PPP1R9A: variants seen among roughly 807,000 people sequenced by gnomAD.
PPP1R9A encodes neurabin-1.
Under a neutral mutation model 141.9 loss-of-function variants are expected in PPP1R9A, and 59 were observed. The observed-to-expected ratio is 0.42, with a 90% CI of 0.34 to 0.52. The LOEUF (loss-of-function observed/expected upper bound fraction) is 0.52, where lower values mean the gene tolerates loss of function less well. Ranked by LOEUF, PPP1R9A falls within the 20% of genes least tolerant of loss-of-function variation. The pLI, the probability that PPP1R9A is intolerant of heterozygous loss-of-function variation, is 0.10. For missense variants in PPP1R9A, 1,444 were observed against 1,611.9 expected (o/e 0.90, Z 1.78); for synonymous variants, 500 against 569.7 (o/e 0.88, Z 1.74).
intron 2 of PPP1R9A, among the ~76,000 whole-genome samples, chr7:94,975,673 A>G (rs1406038491): frequency 6.6e-6 from 1 of 152,008 alleles, no homozygotes; most frequent in African/African-American, 2.4e-5. Context: ...TTTTCACCCA[A>G]ATGTACTTTA....
At chr7:94,998,127 T>G (rs1458135475) in intron 2 of PPP1R9A, among the ~76,000 whole-genome samples, 3 of 152,200 alleles carry the variant, frequency 2.0e-5, no homozygotes, top group African/African-American at 7.2e-5. Context: ...AACCTGAGGT[T>G]GTTTATTTTT....
intron 2 of PPP1R9A, among the ~76,000 whole-genome samples, chr7:94,962,054 C>A (rs920613832): frequency 1.3e-5 from 2 of 151,856 alleles, no homozygotes; most frequent in Non-Finnish European, 2.9e-5. Flanking sequence ...ATCAACTAAT[C>A]CCCTAGTCTT....
chr7:95,283,593 G>T (rs1585630982), intron 16 of PPP1R9A, among the ~76,000 whole-genome samples: 2 of 152,146 alleles, frequency 1.3e-5, no homozygotes, highest in East Asian at 3.9e-4. Flanking sequence ...TTAAGTCTCA[G>T]ACCCTTCGGA....
intron 5 of PPP1R9A, among the ~76,000 whole-genome samples, chr7:95,172,329 AT>A (rs1283096724): frequency 7.2e-5 from 11 of 151,740 alleles, no homozygotes; most frequent in Admixed American, 2.0e-4. Flanking sequence ...CACAGGCAAT[AT>A]GGTCATTTAT....
In PPP1R9A at chr7:95,045,522, GC is replaced by G. The variant is rs935054861; in HGVS notation, c.1396-65733del. Among the ~76,000 whole-genome samples the G allele has an allele frequency of 1.2e-4, 19 of 152,336 alleles. 1 individual carries two copies. The highest frequency in any genetic ancestry group is 3.6e-4 in the African/African-American group (15 of 41,576). ...GCTTTCTTCCCTTTTTCAGTGGAAT[GC>G]CCCTGGAAGGTCATACTCTGCCATT... On this transcript the variant is annotated intron_variant, in intron 2 of 19. Coordinates refer to ENST00000433360, the MANE Select transcript of PPP1R9A (RefSeq NM_001166160.2).
In PPP1R9A at chr7:95,291,996, G is replaced by A. The variant is rs551049600; in HGVS notation, c.*1693G>A. The A allele has an allele frequency of 1.3e-5, 2 of 151,980 alleles. No homozygotes were observed. The highest frequency in any genetic ancestry group is 2.9e-5 in the Non-Finnish European group (2 of 67,994). The allele number at this position is 151,980 out of a possible 1,614,324, so 9.4% of individuals were successfully genotyped here. A position where few individuals can be genotyped will look rare whatever the true frequency, so the allele number is the denominator to read the frequency against. ...TTTTTAATTCTGTTTTACCCCCAAG[G>A]CCTGTTTTCTTTTCATTGCCAGAGT... On this transcript the variant is annotated 3_prime_UTR_variant, in exon 20 of 20. Transcript: ENST00000433360.
intron 2 of PPP1R9A, among the ~76,000 whole-genome samples, chr7:95,099,132 G>A (rs1818424162): frequency 6.6e-6 from 1 of 152,168 alleles, no homozygotes; most frequent in African/African-American, 2.4e-5. Context: ...AAAAGAAGCA[G>A]GAAGGACCAA....
intron 12 of PPP1R9A, among the ~76,000 whole-genome samples, chr7:95,259,584 A>G (rs921629066): frequency 3.9e-5 from 6 of 152,110 alleles, no homozygotes; most frequent in Non-Finnish European, 5.9e-5. Context: ...CTCTTTTCAG[A>G]TACCTGTGGG....
intron 2 of PPP1R9A, chr7:95,098,491 C>T (rs1443447976): frequency 6.6e-6 from 1 of 151,954 alleles, no homozygotes; most frequent in Admixed American, 6.6e-5. Context: ...GTTTGCCCAC[C>T]ACTTTATATC....
Position 95,137,415 on chromosome 7 carries a change from C to CAAAAAAAAAAAAAA in PPP1R9A, c.1649+16593_1649+16606dup, listed in dbSNP as rs33928009. Among the ~76,000 whole-genome samples, 80 of 91,484 alleles carry CAAAAAAAAAAAAAA rather than the reference C, an allele frequency of 8.7e-4. 1 individual carries two copies. Among genetic ancestry groups the CAAAAAAAAAAAAAA allele is most frequent in the African/African-American group, 3.3e-3 (76 of 23,054 alleles). The allele number at this position is 91,484 out of a possible 152,430, so 60.0% of individuals were successfully genotyped here. ...CATGTCCCTACAAAGGACATGAACT[C>CAAAAAAAAAAAAAA]AAAAAAAAAAAAAAAAAAAAAAAGA... On this transcript the variant is annotated intron_variant, in intron 4 of 19. Coordinates refer to ENST00000433360, the MANE Select transcript of PPP1R9A (RefSeq NM_001166160.2).
intron 2 of PPP1R9A, among the ~76,000 whole-genome samples, chr7:94,924,274 A>G (rs558757152): frequency 2.6e-5 from 4 of 152,182 alleles, no homozygotes; most frequent in African/African-American, 4.8e-5. Flanking sequence ...CATGTACCCA[A>G]TCAAGTTTGA....
At chr7:94,970,286 A>C (rs1798715212) in intron 2 of PPP1R9A, among the ~76,000 whole-genome samples, 1 of 152,190 alleles carries the variant, frequency 6.6e-6, no homozygotes, top group African/African-American at 2.4e-5. Context: ...ATAGGCACCA[A>C]AGGGAAACTC....
chr7:95,106,083 C>T (rs1245317190), intron 2 of PPP1R9A, among the ~76,000 whole-genome samples: 1 of 151,968 alleles, frequency 6.6e-6, no homozygotes, highest in Non-Finnish European at 1.5e-5. Context: ...GGTGAGACCC[C>T]AATCTCTATT....
intron 4 of PPP1R9A, among the ~76,000 whole-genome samples, chr7:95,146,674 T>C (rs2152617681): frequency 6.6e-6 from 1 of 152,338 alleles, no homozygotes; most frequent in South Asian, 2.1e-4. Flanking sequence ...AATTTTTGTA[T>C]AAGGTGTAAG....
chr7:95,044,268 G>A (rs1419060863), intron 2 of PPP1R9A, among the ~76,000 whole-genome samples: 9 of 152,102 alleles, frequency 5.9e-5, no homozygotes, highest in Non-Finnish European at 1.2e-4. Context: ...GCCACCTGAA[G>A]GGACTTCCCT....
chr7:94,963,895 T>C (rs551411971), intron 2 of PPP1R9A, among the ~76,000 whole-genome samples: 2 of 152,300 alleles, frequency 1.3e-5, no homozygotes, highest in East Asian at 3.9e-4. Flanking sequence ...GCATATCCCA[T>C]TGGCATATCC....
intron 12 of PPP1R9A, among the ~76,000 whole-genome samples, chr7:95,264,734 G>GT (rs778790304): frequency 1.2e-4 from 19 of 152,080 alleles, no homozygotes; most frequent in East Asian, 9.6e-4. Context: ...CTCCTGTTCT[G>GT]TATTTCTAGC....
chr7:94,978,346 A>T (rs932461526), intron 2 of PPP1R9A, among the ~76,000 whole-genome samples: 2 of 152,204 alleles, frequency 1.3e-5, no homozygotes, highest in Non-Finnish European at 2.9e-5. Context: ...TTGATTTATG[A>T]TTATAGAGTA....
At chr7:95,172,803 C>G (rs1180613798) in intron 5 of PPP1R9A, among the ~76,000 whole-genome samples, 1 of 151,810 alleles carries the variant, frequency 6.6e-6, no homozygotes, top group African/African-American at 2.4e-5. Flanking sequence ...AGGACTTTCC[C>G]TGCCTGAAAG....
Sources: gnomAD v4.1 joint callset for allele counts (sites outside exome capture counted in the v4.1 genomes callset) on GRCh38, gnomAD v4.1.1 for gene constraint, MANE v1.5 for transcripts, NCBI Gene and HGNC (gene_info 2026-07-23, HGNC 2026-07-21) for gene names.